The following SPAG16 variants were observed in gnomAD, a reference collection of about 807,000 sequenced individuals.
SPAG16 encodes sperm associated antigen 16.
Under a neutral mutation model 80.4 loss-of-function variants are expected in SPAG16, and 86 were observed. That is an observed-to-expected ratio of 1.07 (90% CI 0.90 to 1.28). SPAG16 has a LOEUF of 1.28. Among genes scored for constraint, SPAG16 ranks in the 50% most tolerant of loss-of-function variants. SPAG16 has a pLI of 0.00. For synonymous variants in SPAG16, 294 were observed against 265.9 expected, an observed-to-expected ratio of 1.11 and a Z score of -1.03; for missense variants, 870 against 765.3, an observed-to-expected ratio of 1.14 and a Z score of -1.61.
chr2:214,295,556 C>G (rs762526821), intron 15 of SPAG16, among the ~76,000 whole-genome samples: 1 of 152,014 alleles, frequency 6.6e-6, no homozygotes, highest in African/African-American at 2.4e-5. Context: ...TTTGGGAGGC[C>G]GAGGTGGGTG....
At chr2:214,051,158 C>T (rs948498058) in intron 13 of SPAG16, among the ~76,000 whole-genome samples, 1 of 152,110 alleles carries the variant, frequency 6.6e-6, no homozygotes, top group African/African-American at 2.4e-5. Flanking sequence ...TGGCCTACAC[C>T]CAGAAGTTAC....
intron 14 of SPAG16, among the ~76,000 whole-genome samples, chr2:214,110,102 A>G (rs1420102441): frequency 1.3e-5 from 2 of 152,160 alleles, no homozygotes; most frequent in Non-Finnish European, 2.9e-5. Context: ...GGGCAAGATA[A>G]CAGATATGAG....
At chr2:214,015,854 A>G (rs979756939) in intron 13 of SPAG16, among the ~76,000 whole-genome samples, 4 of 152,116 alleles carry the variant, frequency 2.6e-5, no homozygotes, top group Non-Finnish European at 5.9e-5. Flanking sequence ...TTGATAAGGA[A>G]GTAAGAGAGT....
chr2:214,149,307 A>G (rs201953336), intron 15 of SPAG16, 41 bp downstream of exon 15: 1 of 1,433,464 alleles, frequency 7.0e-7, no homozygotes, highest in Non-Finnish European at 9.2e-7. Context: ...TAAGCCAATA[A>G]CATTAATATT....
intron 13 of SPAG16, among the ~76,000 whole-genome samples, chr2:214,071,120 G>T (rs1045642237): frequency 3.3e-5 from 5 of 152,100 alleles, no homozygotes; most frequent in Non-Finnish European, 7.4e-5. Flanking sequence ...GCTGTATGTG[G>T]TGCATATAAC....
At chr2:213,686,489 C>T (rs1298091234) in intron 10 of SPAG16, among the ~76,000 whole-genome samples, 1 of 152,036 alleles carries the variant, frequency 6.6e-6, no homozygotes, top group Non-Finnish European at 1.5e-5. Context: ...TTATTATTAG[C>T]ATGACGTATT....
chr2:213,336,569 G>A (rs538918808), intron 5 of SPAG16, among the ~76,000 whole-genome samples: 1 of 152,340 alleles, frequency 6.6e-6, no homozygotes, highest in East Asian at 1.9e-4. Context: ...GTGAGACTGG[G>A]TGGTCTGGAC....
rs186480050 is a variant in SPAG16 at position 214,398,664 on chromosome 2, A to C, written c.1721-11476A>C. Reference sequence around the variant, plus strand: ...TAAAGCCAGGTCATCGGAATGTAATATTATAGAATGTTAGCTGAAATTTCC... The same window carrying C: ...TAAAGCCAGGTCATCGGAATGTAATCTTATAGAATGTTAGCTGAAATTTCC... On this transcript the variant is annotated intron_variant, in intron 15 of 15. Coordinates refer to ENST00000331683, the MANE Select transcript of SPAG16 (RefSeq NM_024532.5). 2.0e-5 allele frequency among the ~76,000 whole-genome samples: 3 copies of C among 152,386 alleles called. No individual in the cohort carries two copies. In the East Asian group the frequency reaches 5.8e-4, roughly 29 times the overall value.
At chr2:213,850,117 G>A (rs554767180) in intron 10 of SPAG16, among the ~76,000 whole-genome samples, 7 of 152,144 alleles carry the variant, frequency 4.6e-5, no homozygotes, top group Admixed American at 4.6e-4. Flanking sequence ...TAAATAGTGG[G>A]TCGTGATTCT....
rs565791138 is a variant in SPAG16, at chr2:213,360,194, A to G, written c.763-3882A>G. Among the ~76,000 whole-genome samples, 26 of 152,304 alleles carry G rather than the reference A, an allele frequency of 1.7e-4. No individual in the cohort carries two copies. The South Asian group carries it at 5.0e-3, about 29-fold the overall frequency. On this transcript the variant is annotated intron_variant, in intron 7 of 15. Transcript: ENST00000331683. The stretch of plus-strand genomic sequence containing the variant: ...CTTGATACTCTTTCAGAATTTTGTT[A>G]TACTTGTCAATGGAAACTGGATGTG...
At chr2:214,152,540 AC>A (rs1271021084) in intron 15 of SPAG16, among the ~76,000 whole-genome samples, 2 of 152,078 alleles carry the variant, frequency 1.3e-5, no homozygotes, top group African/African-American at 4.8e-5. Context: ...GTAGGGACCA[AC>A]CCCACAAGGT....
At chr2:213,301,357 A>G (rs184753085) in intron 3 of SPAG16, among the ~76,000 whole-genome samples, 16 of 152,302 alleles carry the variant, frequency 1.1e-4, no homozygotes, top group Admixed American at 1.0e-3. Flanking sequence ...CAAATAAAGT[A>G]ACATTTAAGT....
In SPAG16 at chr2:213,494,178, G is replaced by C. The variant is rs1260313840; in HGVS notation, c.1070+4088G>C. Among the ~76,000 whole-genome samples, 3 of 152,226 alleles carry C rather than the reference G, an allele frequency of 2.0e-5. No individual in the cohort carries two copies. The East Asian group carries it at 5.8e-4, about 29-fold the overall frequency. On this transcript the variant is annotated intron_variant, in intron 10 of 15. Coordinates refer to ENST00000331683, the MANE Select transcript of SPAG16 (RefSeq NM_024532.5). Reference sequence around the variant, plus strand: ...GGCCAGATTTCTGGTTGATAGGTTGGCCCTAGACTCAACTTTATAGCTTCA... The same window carrying C: ...GGCCAGATTTCTGGTTGATAGGTTGCCCCTAGACTCAACTTTATAGCTTCA...
chr2:213,976,135 T>TACACACACACAC (rs1553685174), intron 12 of SPAG16, among the ~76,000 whole-genome samples: 53 of 81,388 alleles, frequency 6.5e-4, no homozygotes, highest in Admixed American at 1.7e-3. Flanking sequence ...TATATATATA[T>TACACACACACAC]ACACACACAC....
At chr2:213,873,172 TG>T (rs200397113) in intron 11 of SPAG16, among the ~76,000 whole-genome samples, 6 of 151,450 alleles carry the variant, frequency 4.0e-5, no homozygotes, top group Admixed American at 1.3e-4. Flanking sequence ...AATTCATCAG[TG>T]AAGCCATCTG....
intron 14 of SPAG16, among the ~76,000 whole-genome samples, chr2:214,115,856 G>A (rs577173137): frequency 2.3e-5 from 3 of 131,124 alleles, no homozygotes; most frequent in East Asian, 4.7e-4. Context: ...CCAGCCTGGC[G>A]ACAGAGTGAG....
chr2:213,331,176 G>T (rs1325441757), intron 5 of SPAG16, among the ~76,000 whole-genome samples: 2 of 152,054 alleles, frequency 1.3e-5, no homozygotes, highest in African/African-American at 4.8e-5. Flanking sequence ...TTCCCCAGGG[G>T]CCTCAGAAGT....
At chr2:213,864,532 G>A (rs751103107) in intron 11 of SPAG16, among the ~76,000 whole-genome samples, 15 of 152,018 alleles carry the variant, frequency 9.9e-5, no homozygotes, top group African/African-American at 2.2e-4. Flanking sequence ...GAGGCCTAGG[G>A]TGGACACAGT....
intron 13 of SPAG16, among the ~76,000 whole-genome samples, chr2:214,082,844 C>T (rs1445177381): frequency 6.6e-6 from 1 of 152,144 alleles, no homozygotes; most frequent in Non-Finnish European, 1.5e-5. Flanking sequence ...TCTTCACTTT[C>T]AATGTTAAGC....
Sources: gnomAD v4.1 joint callset for allele counts (sites outside exome capture counted in the v4.1 genomes callset) on GRCh38, gnomAD v4.1.1 for gene constraint, MANE v1.5 for transcripts, NCBI Gene and HGNC (gene_info 2026-07-23, HGNC 2026-07-21) for gene names.